The following MYO5A variants were observed in gnomAD, a reference collection of about 807,000 sequenced individuals.
MYO5A encodes the protein unconventional myosin-Va.
A neutral mutation model predicts 249.7 loss-of-function variants in MYO5A; 98 were observed. That is an observed-to-expected ratio of 0.39 (90% CI 0.33 to 0.46). The LOEUF (loss-of-function observed/expected upper bound fraction) is 0.46. MYO5A is among the 20% of genes least tolerant of loss of function. MYO5A has a pLI of 0.98. For synonymous variants in MYO5A, 778 were observed against 810.6 expected, an observed-to-expected ratio of 0.96 and a Z score of 0.68; for missense variants, 1,696 against 2,308.8, an observed-to-expected ratio of 0.73 and a Z score of 5.44.
intron 27 of MYO5A, among the ~76,000 whole-genome samples, chr15:52,352,222 CCCACT>C (rs1410489777): frequency 1.3e-5 from 2 of 152,184 alleles, no homozygotes; most frequent in African/African-American, 4.8e-5. Flanking sequence ...GTTAGTGCTG[CCCACT>C]CCATGCTCTG....
intron 2 of MYO5A, among the ~76,000 whole-genome samples, chr15:52,431,622 C>T (rs1595670677): frequency 1.3e-5 from 2 of 148,474 alleles, no homozygotes; most frequent in East Asian, 2.0e-4. Context: ...TATAAGGTAA[C>T]AGGGCTGGGA....
At chr15:52,471,614 C>CACACACAA (rs766462519) in intron 1 of MYO5A, among the ~76,000 whole-genome samples, 1 of 151,504 alleles carries the variant, frequency 6.6e-6, no homozygotes, top group Non-Finnish European at 1.5e-5. Context: ...CACACACACA[C>CACACACAA]ACACACCCCA....
intron 8 of MYO5A, among the ~76,000 whole-genome samples, chr15:52,406,024 G>T (rs2042989664): frequency 6.6e-6 from 1 of 152,176 alleles, no homozygotes; most frequent in African/African-American, 2.4e-5. Context: ...TGATGAGTAT[G>T]CGTCCAAATA....
chr15:52,339,007 C>CA (rs76239335), intron 32 of MYO5A, among the ~76,000 whole-genome samples: 16,169 of 152,122 alleles, frequency 0.11, 1,348 homozygotes, highest in East Asian at 0.46. Context: ...AATAACACTT[C>CA]AAAAAATATT....
chr15:52,508,265 A>G (rs1018036580), intron 1 of MYO5A, among the ~76,000 whole-genome samples: 1 of 152,190 alleles, frequency 6.6e-6, no homozygotes, highest in South Asian at 2.1e-4. Context: ...CTAAAATGGC[A>G]AAGCTGTTTC....
At position 52,405,409 on chromosome 15, in the gene MYO5A, G is replaced by A. The variant is rs149943255; in HGVS notation, c.947-16C>T. The A allele has an allele frequency of 6.3e-4, 971 of 1,533,606 alleles. 7 individuals carry two copies. The African/African-American group carries it at 0.011, about 17-fold the overall frequency. The allele number at this position is 1,533,606 out of a possible 1,614,324, so 95.0% of individuals were successfully genotyped here. A position where few individuals can be genotyped will look rare whatever the true frequency, so the allele number is the denominator to read the frequency against. ...TCACTAATTCCTGAAACAAGAGAGT[G>A]AATGAACAAGTGATTAATTTCAGAA... On this transcript the variant is annotated splice_polypyrimidine_tract_variant and intron_variant, in intron 8 of 41. Coordinates refer to ENST00000399233, the MANE Select transcript of MYO5A (RefSeq NM_001382347.1).
chr15:52,310,550 G>A lies in MYO5A; in HGVS notation c.*3146C>T, dbSNP rs1461705360. 13 of 147,822 alleles carry A rather than the reference G, an allele frequency of 8.8e-5. No individual in the cohort carries two copies. Among genetic ancestry groups the A allele is most frequent in the Non-Finnish European group, 2.0e-4 (13 of 66,062 alleles). 9.2% of individuals were successfully genotyped at this position (147,822 alleles called of 1,614,324 possible). A position where few individuals can be genotyped will look rare whatever the true frequency, so the allele number is the denominator to read the frequency against. ...CTTCTGAAGGAATGCATGCAGAGAAGTAAGAACAACAAGGACTGTGCAAAG... is the reference window on the plus strand; with the variant it reads ...CTTCTGAAGGAATGCATGCAGAGAAATAAGAACAACAAGGACTGTGCAAAG... On this transcript the variant is annotated 3_prime_UTR_variant, in exon 42 of 42. Coordinates refer to ENST00000399233, the MANE Select transcript of MYO5A (RefSeq NM_001382347.1).
chr15:52,403,649 T>A (rs1380127378), intron 9 of MYO5A, among the ~76,000 whole-genome samples: 1 of 152,198 alleles, frequency 6.6e-6, no homozygotes, highest in Admixed American at 6.5e-5. Context: ...TATCTGTGAA[T>A]GTACTAAAAG....
Position 52,340,216 on chromosome 15 carries a change from G to A in MYO5A, c.4219C>T (p.Arg1407Trp), listed in dbSNP as rs756990962. ...CTTACCAAGTTTTCGTTGGTCAGCC[G>A]GGTGATCTCGTGCTGCAGGCTGGCC... ...IEASLQHEIT[R>W]LTNENLYFEE... The change falls in exon 32 of 42, where the codon CGG becomes TGG. Residue 1407 changes from arginine to tryptophan, a missense_variant. Around this residue, in one of 5 missense-constraint regions of MYO5A, gnomAD observed 625 missense variants for 908.1 expected, o/e 0.69. Coordinates refer to ENST00000399233, the MANE Select transcript of MYO5A (RefSeq NM_001382347.1). 4 of 1,614,014 alleles carry A rather than the reference G, an allele frequency of 2.5e-6. No individual in the cohort carries two copies. Among genetic ancestry groups the A allele is most frequent in the Admixed American group, 1.7e-5 (1 of 60,012 alleles).
intron 12 of MYO5A, among the ~76,000 whole-genome samples, chr15:52,390,052 A>C (rs2042150092): frequency 6.6e-6 from 1 of 152,334 alleles, no homozygotes; most frequent in East Asian, 1.9e-4. Flanking sequence ...GACAAACATC[A>C]CATGTTCTCA....
intron 1 of MYO5A, among the ~76,000 whole-genome samples, chr15:52,483,895 T>C (rs1050728080): frequency 1.3e-5 from 2 of 152,336 alleles, no homozygotes; most frequent in East Asian, 3.9e-4. Context: ...TGAATCATTC[T>C]GACCAAAAGC....
rs1405051634 is a variant in MYO5A, at chr15:52,330,441, G to A, written c.4467C>T (p.Val1489=). 2 of 1,613,902 alleles carry A rather than the reference G, an allele frequency of 1.2e-6. No homozygotes were observed. Among genetic ancestry groups the A allele is most frequent in the Non-Finnish European group, 8.5e-7 (1 of 1,180,004 alleles). Residue 1489 remains valine (V), a synonymous_variant, in exon 35 of 42, where the codon GTC becomes GTT. Coordinates refer to ENST00000399233, the MANE Select transcript of MYO5A (RefSeq NM_001382347.1). ...AATCCTTTTCTTTCCTGGGAATGTTGACTGGTCGGATGGGTTCATCAATGA... is the reference window on the plus strand; with the variant it reads ...AATCCTTTTCTTTCCTGGGAATGTTAACTGGTCGGATGGGTTCATCAATGA... ...GQIIDEPIRP[V]NIPRKEKDFQ... is the part of the protein sequence containing the mutation.
At chr15:52,443,604 G>A (rs1318654860) in intron 1 of MYO5A, among the ~76,000 whole-genome samples, 4 of 151,498 alleles carry the variant, frequency 2.6e-5, no homozygotes, top group Admixed American at 6.6e-5. Flanking sequence ...CTAGCTACTC[G>A]GGAGGCTGAG....
At chr15:52,371,722 T>C (rs1165475210) in intron 21 of MYO5A, among the ~76,000 whole-genome samples, 1 of 151,838 alleles carries the variant, frequency 6.6e-6, no homozygotes, top group Non-Finnish European at 1.5e-5. Flanking sequence ...ATAAAAAAAT[T>C]AGCTGGGTGT....
At chr15:52,523,923 G>A (rs2077675841) in intron 1 of MYO5A, among the ~76,000 whole-genome samples, 1 of 136,058 alleles carries the variant, frequency 7.3e-6, no homozygotes, top group African/African-American at 2.6e-5. Flanking sequence ...ATACAGTCTC[G>A]ACATGAAAAT....
intron 4 of MYO5A, among the ~76,000 whole-genome samples, chr15:52,417,057 T>C (rs1204950681): frequency 1.3e-5 from 2 of 152,182 alleles, no homozygotes; most frequent in Non-Finnish European, 2.9e-5. Context: ...GGTTCATACA[T>C]GCAACAGTGT....
chr15:52,356,724 A>T (rs552557657), intron 25 of MYO5A, among the ~76,000 whole-genome samples: 288 of 138,132 alleles, frequency 2.1e-3, no homozygotes, highest in East Asian at 6.5e-3. Context: ...CGTTATAATT[A>T]AAAAAAAAAA....
At chr15:52,377,280 G>A (rs1429892224) in intron 18 of MYO5A, among the ~76,000 whole-genome samples, 1 of 151,696 alleles carries the variant, frequency 6.6e-6, no homozygotes, top group Non-Finnish European at 1.5e-5. Context: ...AAATTAGCCG[G>A]GCATGGTGGC....
At chr15:52,438,099 G>GA in intron 1 of MYO5A, 3 of 975,766 alleles carry the variant, frequency 3.1e-6, no homozygotes, top group Non-Finnish European at 3.7e-6. Context: ...AACTATGCCA[G>GA]AAGGGGGTCA....
Sources: gnomAD v4.1 joint callset for allele counts (sites outside exome capture counted in the v4.1 genomes callset) on GRCh38, gnomAD v4.1.1 for gene constraint, gnomAD v4.1.1 regional missense constraint, MANE v1.5 for transcripts, NCBI Gene and HGNC (gene_info 2026-07-23, HGNC 2026-07-21) for gene names.